Variants in PPARGC1A observed in about 807,000 individuals in gnomAD.
PPARGC1A encodes the protein PPARG coactivator 1 alpha.
Under a neutral mutation model 88.7 loss-of-function variants are expected in PPARGC1A, and 25 were observed. The observed-to-expected ratio is 0.28, with a 90% CI of 0.21 to 0.39. The LOEUF is 0.39. PPARGC1A is among the 10% of genes least tolerant of loss of function. The probability of loss-of-function intolerance (pLI) is 1.00; values close to 1 mark genes in which losing one functional copy is unlikely to be tolerated. For synonymous variants in PPARGC1A, 363 were observed against 355.6 expected (o/e 1.02, Z -0.24); for missense variants, 880 against 968.7 (o/e 0.91, Z 1.22).
the PPARGC1A span, among the ~76,000 whole-genome samples, chr4:24,395,944 T>C: frequency 6.6e-6 from 1 of 152,200 alleles, no homozygotes; most frequent in Non-Finnish European, 1.5e-5. Flanking sequence ...CCACCTGCAT[T>C]CTACCTTCTC....
At chr4:24,427,487 C>G in the PPARGC1A span, among the ~76,000 whole-genome samples, 2 of 151,966 alleles carry the variant, frequency 1.3e-5, no homozygotes, top group Non-Finnish European at 2.9e-5. Flanking sequence ...ACCATGTTCC[C>G]CAGGCTGATC....
chr4:23,924,410 G>A, the PPARGC1A span, among the ~76,000 whole-genome samples: 13 of 152,154 alleles, frequency 8.5e-5, no homozygotes, highest in African/African-American at 2.9e-4. Flanking sequence ...GGTGGATCAT[G>A]AGGTCAAGAG....
the PPARGC1A span, among the ~76,000 whole-genome samples, chr4:24,226,910 C>T: frequency 6.6e-6 from 1 of 152,116 alleles, no homozygotes; most frequent in Admixed American, 6.5e-5. Context: ...TGAGCTCGGT[C>T]ACTCTCCCAC....
intron 7 of PPARGC1A, among the ~76,000 whole-genome samples, chr4:23,819,258 T>C (rs2109535336): frequency 6.6e-6 from 1 of 152,296 alleles, no homozygotes; most frequent in Middle Eastern, 3.4e-3. Context: ...ACCCAGCAAC[T>C]GAAGTGTTCA....
chr4:24,321,907 C>T, the PPARGC1A span, among the ~76,000 whole-genome samples: 4,400 of 152,030 alleles, frequency 0.029, 196 homozygotes, highest in African/African-American at 0.091. Flanking sequence ...TGGACTTGTT[C>T]GTAAAAAAGA....
chr4:24,282,361 A>G, the PPARGC1A span, among the ~76,000 whole-genome samples: 1 of 152,212 alleles, frequency 6.6e-6, no homozygotes, highest in Admixed American at 6.5e-5. Flanking sequence ...TTCTGCACAC[A>G]AAGAAACTTG....
the PPARGC1A span, among the ~76,000 whole-genome samples, chr4:24,324,037 G>T: frequency 1.3e-5 from 2 of 152,160 alleles, no homozygotes; most frequent in Non-Finnish European, 2.9e-5. Flanking sequence ...AAACTCTGGC[G>T]CCGGTCACGG....
the PPARGC1A span, among the ~76,000 whole-genome samples, chr4:24,356,234 T>G: frequency 6.7e-6 from 1 of 149,036 alleles, no homozygotes; most frequent in African/African-American, 2.5e-5. Context: ...GAGGGAGAGA[T>G]AATGAGTTTA....
At chr4:24,417,882 CAAAT>C in the PPARGC1A span, among the ~76,000 whole-genome samples, 2 of 151,936 alleles carry the variant, frequency 1.3e-5, no homozygotes. Context: ...TAATTTTTCT[CAAAT>C]AAAAACTGCA....
chr4:24,232,767 A>G, the PPARGC1A span, among the ~76,000 whole-genome samples: 1 of 152,224 alleles, frequency 6.6e-6, no homozygotes, highest in Non-Finnish European at 1.5e-5. Flanking sequence ...CAAAAGCCTC[A>G]CCACAAGCAC....
chr4:23,979,310 C>T, the PPARGC1A span, among the ~76,000 whole-genome samples: 1 of 152,172 alleles, frequency 6.6e-6, no homozygotes, highest in South Asian at 2.1e-4. Context: ...GATACTTTCT[C>T]CTGTATCTTT....
upstream of PPARGC1A, among the ~76,000 whole-genome samples, chr4:23,890,979 C>T (rs751917035): frequency 1.3e-5 from 2 of 152,038 alleles, no homozygotes; most frequent in Non-Finnish European, 2.9e-5. Context: ...AACCCTAGTG[C>T]CCTGGGTTGT....
chr4:24,197,397 A>T, the PPARGC1A span, among the ~76,000 whole-genome samples: 16 of 152,226 alleles, frequency 1.1e-4, no homozygotes, highest in Non-Finnish European at 1.9e-4. Context: ...GTCAGATTAG[A>T]GTGGGATTAT....
the PPARGC1A span, among the ~76,000 whole-genome samples, chr4:24,285,308 T>G: frequency 2.0e-5 from 3 of 152,142 alleles, no homozygotes; most frequent in Non-Finnish European, 4.4e-5. Context: ...AAGTAAGAAA[T>G]TAAATCCTGG....
the PPARGC1A span, among the ~76,000 whole-genome samples, chr4:24,024,239 A>G: frequency 1.3e-5 from 2 of 152,322 alleles, no homozygotes; most frequent in South Asian, 4.1e-4. Flanking sequence ...GACATTTTAC[A>G]TGACTTATCT....
At chr4:24,205,667 C>T in the PPARGC1A span, among the ~76,000 whole-genome samples, 1 of 152,156 alleles carries the variant, frequency 6.6e-6, no homozygotes, top group Non-Finnish European at 1.5e-5. Context: ...CTTATCCTTC[C>T]AACCTGAACA....
At chr4:24,311,873 A>G in the PPARGC1A span, among the ~76,000 whole-genome samples, 4 of 152,174 alleles carry the variant, frequency 2.6e-5, no homozygotes, top group African/African-American at 7.2e-5. Context: ...AAAGTTGCAG[A>G]TATCAGGATG....
At chr4:23,904,869 T>G (rs1719852667), upstream of PPARGC1A, among the ~76,000 whole-genome samples, 1 of 152,224 alleles carries the variant, frequency 6.6e-6, no homozygotes, top group Admixed American at 6.5e-5. Context: ...CTATTTCCCT[T>G]TCTGAACATA....
chr4:24,394,653 A>C, the PPARGC1A span, among the ~76,000 whole-genome samples: 1 of 152,228 alleles, frequency 6.6e-6, no homozygotes, highest in Non-Finnish European at 1.5e-5. Context: ...TGCACGCTGT[A>C]TGTTTTCCAT....
Sources: gnomAD v4.1 joint callset for allele counts (sites outside exome capture counted in the v4.1 genomes callset) on GRCh38, gnomAD v4.1.1 for gene constraint, MANE v1.5 for transcripts, NCBI Gene and HGNC (gene_info 2026-07-23, HGNC 2026-07-21) for gene names.